Variants in RAP1A observed in about 807,000 individuals in gnomAD.
RAP1A encodes the protein RAP1A, member of RAS oncogene family.
A neutral mutation model predicts 26.4 loss-of-function variants in RAP1A; 6 were observed. The ratio of observed to expected loss-of-function variants is 0.23; its 90% CI spans 0.12 to 0.45. The LOEUF (loss-of-function observed/expected upper bound fraction) is 0.45. RAP1A is among the 20% of genes least tolerant of loss of function. RAP1A has a pLI of 0.99. For missense variants in RAP1A, 121 were observed against 217.2 expected (o/e 0.56, Z 2.78); for synonymous variants, 73 against 79.4 (o/e 0.92, Z 0.43).
chr1:111,631,632 A>G (rs929537983), intron 1 of RAP1A, among the ~76,000 whole-genome samples: 9 of 152,214 alleles, frequency 5.9e-5, no homozygotes, highest in African/African-American at 2.2e-4. Context: ...TAGGTGATCA[A>G]TACATATTTG....
chr1:111,632,102 G>C (rs1659583913), intron 1 of RAP1A, among the ~76,000 whole-genome samples: 1 of 152,082 alleles, frequency 6.6e-6, no homozygotes, highest in African/African-American at 2.4e-5. Context: ...TGGGGAGTGG[G>C]GCAGGGTTGG....
Position 111,695,192 on chromosome 1 carries a change from T to C in RAP1A, c.58-149T>C, listed in dbSNP as rs2101258138. ...ACTCTTAGTTATGGATGTATCCTTATATTGAAAGAATTAATAATATACTTT... is the reference window on the plus strand; with the variant it reads ...ACTCTTAGTTATGGATGTATCCTTACATTGAAAGAATTAATAATATACTTT... On this transcript the variant is annotated intron_variant, in intron 2 of 7. Transcript: ENST00000369709. 1.2e-5 allele frequency: 6 copies of C among 490,594 alleles called. No individual in the cohort carries two copies. In the South Asian group the frequency reaches 1.7e-4, roughly 14 times the overall value. 30.4% of individuals were successfully genotyped at this position (490,594 alleles called of 1,614,324 possible).
intron 1 of RAP1A, among the ~76,000 whole-genome samples, chr1:111,622,203 A>G (rs968635008): frequency 5.9e-5 from 9 of 152,174 alleles, no homozygotes; most frequent in Non-Finnish European, 8.8e-5. Context: ...AGCAGCTACA[A>G]TGATGCTCAC....
chr1:111,580,162 T>C (rs1658227285), intron 1 of RAP1A, among the ~76,000 whole-genome samples: 1 of 152,216 alleles, frequency 6.6e-6, no homozygotes, highest in South Asian at 2.1e-4. Flanking sequence ...ACTCAAAGTA[T>C]GGTTTCTACT....
chr1:111,626,819 A>G (rs547726719), intron 1 of RAP1A, among the ~76,000 whole-genome samples: 2 of 152,214 alleles, frequency 1.3e-5, no homozygotes, highest in South Asian at 4.1e-4. Context: ...TAGTCCATTT[A>G]ACTGTGATTC....
intron 1 of RAP1A, among the ~76,000 whole-genome samples, chr1:111,585,365 AC>A (rs1316011936): frequency 6.6e-6 from 1 of 152,214 alleles, no homozygotes; most frequent in African/African-American, 2.4e-5. Flanking sequence ...AAATATTTAA[AC>A]CATAAAGGCA....
chr1:111,585,784 T>C (rs74888715), intron 1 of RAP1A, among the ~76,000 whole-genome samples: 167 of 152,346 alleles, frequency 1.1e-3, no homozygotes, highest in Non-Finnish European at 2.0e-3. Context: ...ATATATCATC[T>C]ACACTAAGAC....
chr1:111,551,691 A>G (rs995504421), intron 1 of RAP1A, among the ~76,000 whole-genome samples: 3 of 151,998 alleles, frequency 2.0e-5, no homozygotes, highest in African/African-American at 4.8e-5. Context: ...ATATTTATCT[A>G]TGTAGTTATC....
chr1:111,671,830 A>T (rs11809396), intron 1 of RAP1A, among the ~76,000 whole-genome samples: 20,158 of 152,248 alleles, frequency 0.13, 2,039 homozygotes, highest in African/African-American at 0.29. Context: ...CAAATTGTTT[A>T]ATTTCCATCT....
rs558932607 is a variant in RAP1A at position 111,650,818 on chromosome 1, CAG to C, written c.-28+30887_-28+30888del. ...TAGTTTCTTTCTTTTTTTTTTGAGA[CAG>C]AGTCTTGCTCTGTCGCCCAGGCTGG... On this transcript the variant is annotated intron_variant, in intron 1 of 7. Coordinates refer to ENST00000369709, the MANE Select transcript of RAP1A (RefSeq NM_002884.4). 5.9e-4 allele frequency among the ~76,000 whole-genome samples: 90 copies of C among 151,298 alleles called. 1 individual carries two copies. The highest frequency in any genetic ancestry group is 1.1e-3 in the Non-Finnish European group (76 of 67,866).
intron 1 of RAP1A, among the ~76,000 whole-genome samples, chr1:111,599,034 T>C (rs1428189061): frequency 6.6e-6 from 1 of 152,086 alleles, no homozygotes; most frequent in East Asian, 1.9e-4. Context: ...TGATGAGGTG[T>C]ATAGGGTGAA....
At chr1:111,670,094 C>T (rs1221566001) in intron 1 of RAP1A, among the ~76,000 whole-genome samples, 3 of 151,920 alleles carry the variant, frequency 2.0e-5, no homozygotes, top group African/African-American at 7.3e-5. Context: ...TCACTATTTG[C>T]ACAGCACTAA....
intron 1 of RAP1A, among the ~76,000 whole-genome samples, chr1:111,671,559 C>T (rs1660976000): frequency 6.6e-6 from 1 of 152,146 alleles, no homozygotes; most frequent in African/African-American, 2.4e-5. Context: ...ACTGCAACCT[C>T]CGCCTCCCTG....
chr1:111,585,631 T>C (rs1658353211), intron 1 of RAP1A, among the ~76,000 whole-genome samples: 1 of 152,230 alleles, frequency 6.6e-6, no homozygotes, highest in Non-Finnish European at 1.5e-5. Flanking sequence ...GCCTCAAACA[T>C]GCTCTGAATG....
intron 1 of RAP1A, among the ~76,000 whole-genome samples, chr1:111,620,860 C>T (rs1430079709): frequency 6.6e-6 from 1 of 152,026 alleles, no homozygotes; most frequent in African/African-American, 2.4e-5. Flanking sequence ...TTTACTGCTA[C>T]GGGGAGAAGA....
At chr1:111,543,366 C>T (rs1656914639) in intron 1 of RAP1A, among the ~76,000 whole-genome samples, 1 of 152,024 alleles carries the variant, frequency 6.6e-6, no homozygotes, top group Admixed American at 6.6e-5. Flanking sequence ...AGATTCGCTG[C>T]CAAAAGGGAA....
intron 1 of RAP1A, chr1:111,564,088 C>G: frequency 1.6e-6 from 1 of 607,762 alleles, no homozygotes; most frequent in Non-Finnish European, 3.0e-6. Context: ...CTCATAAAGC[C>G]TTAAGCTCCT....
chr1:111,688,809 TTTTTTTTTTTTTG>T (rs1474841351), intron 1 of RAP1A, among the ~76,000 whole-genome samples: 66 of 85,254 alleles, frequency 7.7e-4, no homozygotes, highest in Non-Finnish European at 1.2e-3. Flanking sequence ...TTTGTTTTTG[TTTTTTTTTTTTTG>T]TTTTTTTTTT....
At chr1:111,607,473 C>A (rs1270332191) in intron 1 of RAP1A, among the ~76,000 whole-genome samples, 1 of 152,382 alleles carries the variant, frequency 6.6e-6, no homozygotes, top group East Asian at 1.9e-4. Flanking sequence ...TCCCCACTTT[C>A]TATTCCACAA....
Sources: gnomAD v4.1 joint callset for allele counts (sites outside exome capture counted in the v4.1 genomes callset) on GRCh38, gnomAD v4.1.1 for gene constraint, MANE v1.5 for transcripts, NCBI Gene and HGNC (gene_info 2026-07-23, HGNC 2026-07-21) for gene names.